GLI3: variants seen among roughly 807,000 people sequenced by gnomAD.
The protein encoded by GLI3 is GLI family zinc finger 3.
A neutral mutation model predicts 100.8 loss-of-function variants in GLI3; 20 were observed. The ratio of observed to expected loss-of-function variants is 0.20; its 90% CI spans 0.14 to 0.29. GLI3 has a LOEUF of 0.29. Ranked by LOEUF, GLI3 falls within the 10% of genes least tolerant of loss-of-function variation. The pLI is 1.00. For missense variants in GLI3, 2,040 were observed against 2,128.5 expected (o/e 0.96, Z 0.82); for synonymous variants, 938 against 860.5 (o/e 1.09, Z -1.58).
At chr7:42,202,456 A>G (rs189938836) in intron 2 of GLI3, among the ~76,000 whole-genome samples, 1 of 152,244 alleles carries the variant, frequency 6.6e-6, no homozygotes, top group Admixed American at 6.5e-5. Context: ...AAAAACATGT[A>G]AGACAGCAAT....
chr7:42,062,005 A>T (rs987625596), intron 4 of GLI3, among the ~76,000 whole-genome samples: 1 of 152,130 alleles, frequency 6.6e-6, no homozygotes, highest in Admixed American at 6.6e-5. Flanking sequence ...TTCCAGTACC[A>T]TAAAGGAGGA....
At chr7:41,993,331 C>A (rs73688614) in intron 10 of GLI3, among the ~76,000 whole-genome samples, 4,570 of 152,184 alleles carry the variant, frequency 0.03, 85 homozygotes, top group South Asian at 0.068. Flanking sequence ...GGTCACTGAG[C>A]GAGGATAACT....
At chr7:41,973,539 A>T (rs986120731) in intron 12 of GLI3, among the ~76,000 whole-genome samples, 1 of 152,234 alleles carries the variant, frequency 6.6e-6, no homozygotes, top group African/African-American at 2.4e-5. Context: ...CATGACCAAC[A>T]TCGGATTTGT....
chr7:42,252,267 C>A (rs1789040720), intron 1 of GLI3, among the ~76,000 whole-genome samples: 1 of 152,164 alleles, frequency 6.6e-6, no homozygotes, highest in Non-Finnish European at 1.5e-5. Context: ...CGTATGTTCT[C>A]ACTCATAAGT....
intron 4 of GLI3, among the ~76,000 whole-genome samples, chr7:42,072,185 GGCTT>G (rs1784796501): frequency 6.6e-6 from 1 of 152,102 alleles, no homozygotes; most frequent in Non-Finnish European, 1.5e-5. Context: ...AGATTGGTGG[GGCTT>G]AATTATTGCA....
At chr7:42,091,474 G>A (rs375450778) in intron 3 of GLI3, among the ~76,000 whole-genome samples, 7 of 152,320 alleles carry the variant, frequency 4.6e-5, no homozygotes, top group Non-Finnish European at 7.3e-5. Context: ...GGCAGAACAC[G>A]GGCCAGACAT....
chr7:42,261,876 C>T (rs1789143767), intron 1 of GLI3, among the ~76,000 whole-genome samples: 1 of 150,188 alleles, frequency 6.7e-6, no homozygotes, highest in Non-Finnish European at 1.5e-5. Flanking sequence ...CTTCCTTTCC[C>T]TTCCCTTCCT....
rs574779932 is a variant in GLI3, at chr7:42,145,520, C to T, written c.367+2706G>A. 35 of 398,128 alleles carry T rather than the reference C, an allele frequency of 8.8e-5. No homozygotes were observed. The South Asian group carries it at 2.0e-3, about 23-fold the overall frequency. The allele number at this position is 398,128 out of a possible 1,614,324, so 24.7% of individuals were successfully genotyped here. A position where few individuals can be genotyped will look rare whatever the true frequency, so the allele number is the denominator to read the frequency against. ...AGAAGGCCACAGTGCACAGCTCTAACGACACCACAGTTACAGGTTTGCAGT... is the reference window on the plus strand; with the variant it reads ...AGAAGGCCACAGTGCACAGCTCTAATGACACCACAGTTACAGGTTTGCAGT... On this transcript the variant is annotated intron_variant, in intron 3 of 14. Transcript: ENST00000395925.
In GLI3 at chr7:42,040,173, G is replaced by A; in HGVS notation, c.893C>T (p.Pro298Leu). 1 of 1,613,880 alleles carries A rather than the reference G, an allele frequency of 6.2e-7. No homozygotes were observed. The highest frequency in any genetic ancestry group is 8.5e-7 in the Non-Finnish European group (1 of 1,179,738). ...AAGGTCAAAGCTATGATCGGAGAGT[G>A]GTGATATGGACAGTGTACGTTTTCG... ...PSRKRTLSIS[P>L]LSDHSFDLQT... The change falls in exon 7 of 15, where the codon CCA (proline) becomes CTA (leucine). Residue 298 changes from proline to leucine, a missense_variant. By Grantham distance (98) the Pro-to-Leu change is moderately conservative. This residue lies in a region of GLI3 where 603 missense variants were observed against 690.9 expected (regional missense o/e 0.87). Coordinates refer to ENST00000395925, the MANE Select transcript of GLI3 (RefSeq NM_000168.6).
intron 2 of GLI3, among the ~76,000 whole-genome samples, chr7:42,198,304 T>C (rs1432486296): frequency 1.3e-5 from 2 of 151,986 alleles, no homozygotes; most frequent in African/African-American, 4.8e-5. Context: ...TGAAGGGAAA[T>C]GTGACGGGAA....
At chr7:42,164,515 T>A (rs1189330372) in intron 2 of GLI3, among the ~76,000 whole-genome samples, 3 of 148,994 alleles carry the variant, frequency 2.0e-5, no homozygotes, top group African/African-American at 5.0e-5. Flanking sequence ...AAAGACCTTG[T>A]CTAAAAAAAA....
intron 3 of GLI3, among the ~76,000 whole-genome samples, chr7:42,130,121 A>G (rs2128776335): frequency 6.6e-6 from 1 of 152,190 alleles, no homozygotes; most frequent in African/African-American, 2.4e-5. Flanking sequence ...TTGGTACCCA[A>G]GCCATACCGG....
chr7:42,059,411 G>T (rs552732477), intron 4 of GLI3, among the ~76,000 whole-genome samples: 1 of 149,608 alleles, frequency 6.7e-6, no homozygotes, highest in East Asian at 1.9e-4. Flanking sequence ...ATTATATAAT[G>T]TATGTATTAT....
chr7:42,187,043 C>CA (rs5883815), intron 2 of GLI3, among the ~76,000 whole-genome samples: 83,486 of 146,744 alleles, frequency 0.57, 24,293 homozygotes, highest in African/African-American at 0.72. Flanking sequence ...GAACCTGTCT[C>CA]AAAAAAAAAA....
chr7:42,084,171 T>C (rs1312717951), intron 3 of GLI3, among the ~76,000 whole-genome samples: 1 of 152,224 alleles, frequency 6.6e-6, no homozygotes, highest in Non-Finnish European at 1.5e-5. Flanking sequence ...ACCTAAATGC[T>C]ACCCATCACT....
rs753494256 is a variant in GLI3, at chr7:41,964,720, A to C, written c.4353T>G (p.Ser1451Arg). The change falls in exon 15 of 15, where the codon AGT (serine) becomes AGG (arginine). Residue 1451 changes from serine to arginine, a missense_variant. By Grantham distance (110) the Ser-to-Arg change is moderately radical. This residue lies in a region of GLI3 where 1,041 missense variants were observed against 924.0 expected (regional missense o/e 1.13). Coordinates refer to ENST00000395925, the MANE Select transcript of GLI3 (RefSeq NM_000168.6). ...GQFYDQTVGF[S>R]QQDTKAGSFS... ...ATGAACCAGCTTTCGTGTCTTGCTG[A>C]CTGAAGCCCACGGTTTGGTCATAGA... 4 of 1,614,182 alleles carry C rather than the reference A, an allele frequency of 2.5e-6. No homozygotes were observed. The Middle Eastern group carries it at 6.6e-4, about 266-fold the overall frequency.
intron 3 of GLI3, among the ~76,000 whole-genome samples, chr7:42,105,169 T>C (rs753949593): frequency 1.6e-4 from 24 of 152,194 alleles, no homozygotes; most frequent in Non-Finnish European, 2.8e-4. Flanking sequence ...TTCTAACTCC[T>C]GGTCTGACAT....
intron 10 of GLI3, among the ~76,000 whole-genome samples, chr7:42,021,665 C>T (rs1788946717): frequency 6.6e-6 from 1 of 152,164 alleles, no homozygotes; most frequent in African/African-American, 2.4e-5. Context: ...TATTTCATTC[C>T]TGATTTGGTA....
At chr7:42,204,434 G>C (rs1788108873) in intron 2 of GLI3, among the ~76,000 whole-genome samples, 1 of 152,152 alleles carries the variant, frequency 6.6e-6, no homozygotes, top group Non-Finnish European at 1.5e-5. Flanking sequence ...TCTTCTGTGA[G>C]ACTTTCCTTC....
Sources: allele counts gnomAD v4.1 joint callset (sites outside exome capture counted in the v4.1 genomes callset), GRCh38; gene constraint gnomAD v4.1.1; regional missense constraint gnomAD v4.1.1; transcripts MANE v1.5; gene names NCBI Gene and HGNC (gene_info 2026-07-23, HGNC 2026-07-21).